Variants in BUB1 observed in about 807,000 individuals in gnomAD.
BUB1 encodes BUB1 mitotic checkpoint serine/threonine kinase, also known as mitotic checkpoint serine/threonine-protein kinase BUB1.
In BUB1, 84 loss-of-function variants were observed where a neutral mutation model predicts 135.2. The ratio of observed to expected loss-of-function variants is 0.62; its 90% CI spans 0.52 to 0.74. The LOEUF (loss-of-function observed/expected upper bound fraction) is 0.74, where lower values mean the gene tolerates loss of function less well. Ranked by LOEUF, BUB1 falls within the 30% of genes least tolerant of loss-of-function variation. The pLI is 0.00. For missense variants in BUB1, 1,162 were observed against 1,288.3 expected, an observed-to-expected ratio of 0.90 and a Z score of 1.50; for synonymous variants, 403 against 434.4, an observed-to-expected ratio of 0.93 and a Z score of 0.90.
intron 19 of BUB1, among the ~76,000 whole-genome samples, chr2:110,644,058 C>CAAAAAAAAAAA (rs58393999): frequency 1.5e-3 from 61 of 39,658 alleles, no homozygotes; most frequent in African/African-American, 2.4e-3. Context: ...AACTGAAATG[C>CAAAAAAAAAAA]AAAAAAAAAA....
chr2:110,645,576 G>A (rs1026220410), intron 19 of BUB1, among the ~76,000 whole-genome samples: 9 of 149,328 alleles, frequency 6.0e-5, no homozygotes, highest in African/African-American at 1.5e-4. Context: ...AGAAAATGGC[G>A]TTACGTGTAT....
intron 23 of BUB1, among the ~76,000 whole-genome samples, chr2:110,640,417 G>C (rs563517088): frequency 6.6e-6 from 1 of 151,274 alleles, no homozygotes; most frequent in East Asian, 1.9e-4. Flanking sequence ...CTTGGCAGTT[G>C]GTTTTGTTAA....
chr2:110,658,535 AG>A lies in BUB1; in HGVS notation c.1406-16del, dbSNP rs1689994048. On this transcript the variant is annotated splice_polypyrimidine_tract_variant and intron_variant, in intron 12 of 24. Coordinates refer to ENST00000302759, the MANE Select transcript of BUB1 (RefSeq NM_004336.5). ...CATGATGAAACCTTAAAGAACAAAA[AG>A]AATAATTGTAAACAGGTTGCAAAAG... is the stretch of plus-strand genomic sequence containing the variant. The A allele has an allele frequency of 6.2e-7, 1 of 1,613,680 alleles. No individual in the cohort carries two copies. Among genetic ancestry groups the A allele is most frequent in the South Asian group, 1.1e-5 (1 of 90,986 alleles).
intron 17 of BUB1, 131 bp from the exon 18 acceptor site, chr2:110,650,915 T>C (rs1274239097): frequency 1.5e-5 from 12 of 804,000 alleles, no homozygotes; most frequent in Non-Finnish European, 2.4e-5. Flanking sequence ...AAAAGTTGAT[T>C]AAAGCATTTT....
intron 18 of BUB1, 29 bp from the exon 19 acceptor site, chr2:110,649,406 AG>A (rs760842747): frequency 1.3e-6 from 2 of 1,492,604 alleles, no homozygotes; most frequent in African/African-American, 1.4e-5. Flanking sequence ...AAAAAAAAAA[AG>A]GGAACATGAA....
intron 13 of BUB1, 48 bp from the exon 14 acceptor site, chr2:110,657,693 C>A (rs750839820): frequency 7.5e-7 from 1 of 1,327,028 alleles, no homozygotes; most frequent in Non-Finnish European, 1.0e-6. Flanking sequence ...TAGGAAAAAA[C>A]ATCCTTTATA....
chr2:110,651,823 T>C (rs1459305776), intron 17 of BUB1, among the ~76,000 whole-genome samples: 1 of 152,236 alleles, frequency 6.6e-6, no homozygotes, highest in African/African-American at 2.4e-5. Context: ...TCTGTTGCCA[T>C]TGCCTATAGT....
rs201204754 is a variant in BUB1, at chr2:110,655,947, A to G, written c.1699-31T>C. 1.2e-5 allele frequency: 19 copies of G among 1,598,018 alleles called. No homozygotes were observed. In the Middle Eastern group the frequency reaches 5.0e-4, roughly 42 times the overall value. ...ACAGAAGATGAAATGAAAAAAAAGCAGCAATCTCCCTCTTTAGTCCATGAA... is the reference window on the plus strand; with the variant it reads ...ACAGAAGATGAAATGAAAAAAAAGCGGCAATCTCCCTCTTTAGTCCATGAA... On this transcript the variant is annotated intron_variant, in intron 15 of 24. Transcript: ENST00000302759.
At position 110,661,836 on chromosome 2, in the gene BUB1, A is replaced by G. The variant is rs780247266; in HGVS notation, c.963T>C (p.Asn321=). ...LPASQERSEV[N]PARMGPSVGS... is the part of the protein sequence containing the mutation. Reference sequence around the variant, plus strand: ...CTACACTTGGCCCCATACGTGCTGGATTAACCTTTCATATTAAACAAACAA... The same window carrying G: ...CTACACTTGGCCCCATACGTGCTGGGTTAACCTTTCATATTAAACAAACAA... Residue 321 remains asparagine, a synonymous_variant, in exon 10 of 25, where the codon AAT becomes AAC. Transcript: ENST00000302759. The G allele has an allele frequency of 3.1e-6, 5 of 1,613,416 alleles. No individual in the cohort carries two copies. In the East Asian group the frequency reaches 1.1e-4, roughly 36 times the overall value.
In BUB1 at chr2:110,674,079, T is replaced by C. The variant is rs752941034; in HGVS notation, c.225+7A>G. The stretch of plus-strand genomic sequence containing the variant: ...TAGATTTGATTATACATCTTAAGTA[T>C]ACTTACAAATTTTAAACAATAACTG... On this transcript the variant is annotated splice_region_variant and intron_variant, in intron 3 of 24. Transcript: ENST00000302759. 1.6e-5 allele frequency: 24 copies of C among 1,504,302 alleles called. No homozygotes were observed. Among genetic ancestry groups the C allele is most frequent in the Middle Eastern group, 3.5e-4 (2 of 5,668 alleles). The allele number at this position is 1,504,302 out of a possible 1,614,324, so 93.2% of individuals were successfully genotyped here.
At chr2:110,649,041 A>G in intron 19 of BUB1, 193 bp downstream of exon 19, 1 of 452,450 alleles carries the variant, frequency 2.2e-6, no homozygotes, top group East Asian at 3.5e-5. Flanking sequence ...TATAGGAGTT[A>G]TAGTCCCAAC....
At chr2:110,658,805 C>A in intron 11 of BUB1, 63 bp from the exon 12 acceptor site, 1 of 1,581,384 alleles carries the variant, frequency 6.3e-7, no homozygotes, top group Non-Finnish European at 8.7e-7. Context: ...TTAAAAGACA[C>A]ACAATTTAAG....
chr2:110,663,898 A>G (rs376608745), intron 9 of BUB1, among the ~76,000 whole-genome samples: 1,533 of 151,874 alleles, frequency 0.01, 24 homozygotes, highest in African/African-American at 0.032. Flanking sequence ...GCATGGTGGC[A>G]GGCGCCTGTA....
intron 1 of BUB1, among the ~76,000 whole-genome samples, chr2:110,675,606 G>A (rs1690555711): frequency 1.3e-5 from 2 of 151,314 alleles, no homozygotes; most frequent in African/African-American, 4.9e-5. Flanking sequence ...GACACTATAA[G>A]ATTTTTTTTT....
Position 110,650,727 on chromosome 2 carries a change from G to C in BUB1, c.2022C>G (p.Ser674=), listed in dbSNP as rs1262601399. 6.2e-7 allele frequency: 1 copy of C among 1,614,044 alleles called. No homozygotes were observed. Among genetic ancestry groups the C allele is most frequent in the Non-Finnish European group, 8.5e-7 (1 of 1,179,974 alleles). ...QALSSHMYSA[S]LLRLSQPAAG... Reference sequence around the variant, plus strand: ...CAGCAGGCTGGCTCAGACGAAGTAAGGATGCTGAATACATGTGAGACGACA... The same window carrying C: ...CAGCAGGCTGGCTCAGACGAAGTAACGATGCTGAATACATGTGAGACGACA... The change falls in exon 18 of 25, where the codon TCC becomes TCG. Residue 674 remains serine (S), a synonymous_variant. Coordinates refer to ENST00000302759, the MANE Select transcript of BUB1 (RefSeq NM_004336.5).
In BUB1 at chr2:110,655,765, T is replaced by C. The variant is rs755780541; in HGVS notation, c.1850A>G (p.Glu617Gly). 2 of 1,613,696 alleles carry C rather than the reference T, an allele frequency of 1.2e-6. No individual in the cohort carries two copies. Among genetic ancestry groups the C allele is most frequent in the South Asian group, 2.2e-5 (2 of 91,042 alleles). Residue 617 changes from glutamate (E) to glycine (G), a missense_variant, in exon 16 of 25, where the codon GAG becomes GGG. Coordinates refer to ENST00000302759, the MANE Select transcript of BUB1 (RefSeq NM_004336.5). ...ASTPFHKLPV[E>G]SVHILEDKEN... is the part of the protein sequence containing the mutation. ...TTTATCTTCTAAAATGTGCACTGAC[T>C]CCACTGGAAGCTTGTGGAATGGTGT...
Position 110,661,747 on chromosome 2 carries a change from A to C in BUB1, c.1052T>G (p.Met351Arg). 1 of 1,614,170 alleles carries C rather than the reference A, an allele frequency of 6.2e-7. No individual in the cohort carries two copies. ...AGGTGCCTCTCTTGGGTTCTTTTCC[A>C]TGTTCACTGGTGTCTGCTGATAGGT... ...PVTYQQTPVN[M>R]EKNPREAPPV... Residue 351 changes from methionine to arginine, a missense_variant, in exon 10 of 25, where the codon ATG becomes AGG. Coordinates refer to ENST00000302759, the MANE Select transcript of BUB1 (RefSeq NM_004336.5).
At chr2:110,646,078 T>A (rs1689638224) in intron 19 of BUB1, among the ~76,000 whole-genome samples, 1 of 144,222 alleles carries the variant, frequency 6.9e-6, no homozygotes, top group South Asian at 2.2e-4. Context: ...ACACCTGTAA[T>A]CCCAGCACTT....
intron 19 of BUB1, among the ~76,000 whole-genome samples, chr2:110,645,429 G>A (rs373100237): frequency 8.8e-5 from 13 of 147,944 alleles, no homozygotes; most frequent in African/African-American, 1.7e-4. Context: ...GTGATAGAGC[G>A]AGACTCCTTC....
Sources: gnomAD v4.1 joint callset for allele counts (sites outside exome capture counted in the v4.1 genomes callset) on GRCh38, gnomAD v4.1.1 for gene constraint, MANE v1.5 for transcripts, NCBI Gene and HGNC (gene_info 2026-07-23, HGNC 2026-07-21) for gene names.